The following ITPR1 variants were observed in gnomAD, a reference collection of about 807,000 sequenced individuals.
ITPR1 encodes the protein inositol 1,4,5-trisphosphate-gated calcium channel ITPR1.
In ITPR1, 96 loss-of-function variants were observed where a neutral mutation model predicts 318.4. The ratio of observed to expected loss-of-function variants is 0.30; its 90% CI spans 0.26 to 0.36. The LOEUF is 0.36. ITPR1 is among the 10% of genes least tolerant of loss of function. ITPR1 has a pLI of 1.00. For missense variants in ITPR1, 2,440 were observed against 3,460.2 expected (o/e 0.71, Z 7.40); for synonymous variants, 1,312 against 1,289.9 (o/e 1.02, Z -0.37).
intron 4 of ITPR1, among the ~76,000 whole-genome samples, chr3:4,542,013 T>C (rs2084505724): frequency 6.6e-6 from 1 of 152,206 alleles, no homozygotes; most frequent in Non-Finnish European, 1.5e-5. Flanking sequence ...TTGTTTACTA[T>C]TTCTGTTCTA....
chr3:4,644,516 C>G (rs1042990802), intron 8 of ITPR1, among the ~76,000 whole-genome samples: 3 of 152,268 alleles, frequency 2.0e-5, no homozygotes, highest in Admixed American at 2.0e-4. Flanking sequence ...AGAGATGAAC[C>G]CTTTTACTAA....
chr3:4,520,957 T>C (rs2124927256), intron 3 of ITPR1, 67 bp from the exon 4 acceptor site: 1 of 1,218,010 alleles, frequency 8.2e-7, no homozygotes, highest in East Asian at 2.3e-5. Flanking sequence ...GGATATCTGA[T>C]TTTTGCATAG....
At chr3:4,820,821 C>T (rs2049659512) in intron 60 of ITPR1, among the ~76,000 whole-genome samples, 1 of 152,206 alleles carries the variant, frequency 6.6e-6, no homozygotes, top group South Asian at 2.1e-4. Flanking sequence ...CACATGAATC[C>T]CTGCTGCGGA....
intron 4 of ITPR1, among the ~76,000 whole-genome samples, chr3:4,592,346 G>A (rs1173508084): frequency 1.3e-5 from 2 of 152,168 alleles, no homozygotes; most frequent in Non-Finnish European, 2.9e-5. Flanking sequence ...GGTATTCATT[G>A]TACGTAAACA....
At chr3:4,747,577 A>T (rs1028781550) in intron 44 of ITPR1, among the ~76,000 whole-genome samples, 2 of 152,234 alleles carry the variant, frequency 1.3e-5, no homozygotes, top group Middle Eastern at 3.2e-3. Flanking sequence ...ATCAGAAGGC[A>T]GCTCGAGTGG....
intron 4 of ITPR1, among the ~76,000 whole-genome samples, chr3:4,606,142 A>G (rs2091686891): frequency 6.6e-6 from 1 of 152,180 alleles, no homozygotes. Flanking sequence ...ATTATGTCAT[A>G]CAGGTTCTTA....
chr3:4,715,623 C>T (rs147345447), intron 39 of ITPR1, among the ~76,000 whole-genome samples: 11,434 of 152,186 alleles, frequency 0.075, 548 homozygotes, highest in Middle Eastern at 0.15. Context: ...GAGGCCGAGG[C>T]GGGTGGATCA....
chr3:4,663,036 C>T (rs1575977144), intron 15 of ITPR1, 29 bp from the exon 16 acceptor site: 1 of 1,609,884 alleles, frequency 6.2e-7, no homozygotes, highest in South Asian at 1.1e-5. Context: ...CTGAACACAT[C>T]TGTCTCTAAT....
intron 4 of ITPR1, among the ~76,000 whole-genome samples, chr3:4,593,658 T>C (rs1328986544): frequency 4.6e-5 from 7 of 152,208 alleles, no homozygotes; most frequent in Non-Finnish European, 1.0e-4. Flanking sequence ...TTTGGACATA[T>C]AGAATGCTAT....
At chr3:4,804,111 A>C (rs943026246) in intron 54 of ITPR1, among the ~76,000 whole-genome samples, 5 of 152,216 alleles carry the variant, frequency 3.3e-5, no homozygotes, top group Non-Finnish European at 7.3e-5. Flanking sequence ...AGCTCAGGCA[A>C]TCCACCCGCC....
At chr3:4,524,671 A>G (rs748477636) in intron 4 of ITPR1, among the ~76,000 whole-genome samples, 12 of 152,190 alleles carry the variant, frequency 7.9e-5, no homozygotes, top group Non-Finnish European at 1.2e-4. Context: ...TCTTAAGTAA[A>G]TGGAAATCCA....
chr3:4,501,090 A>C (rs182068103), intron 2 of ITPR1, among the ~76,000 whole-genome samples: 10 of 151,826 alleles, frequency 6.6e-5, no homozygotes, highest in African/African-American at 2.4e-4. Context: ...TTGAACTTCT[A>C]GGCTCAAACG....
At chr3:4,830,626 C>G (rs556790389) in intron 60 of ITPR1, among the ~76,000 whole-genome samples, 1 of 152,206 alleles carries the variant, frequency 6.6e-6, no homozygotes, top group South Asian at 2.1e-4. Flanking sequence ...TACCCCGTAC[C>G]CCCTTCTAGT....
chr3:4,723,827 A>C (rs1217701855), intron 40 of ITPR1, among the ~76,000 whole-genome samples: 1 of 152,060 alleles, frequency 6.6e-6, no homozygotes, highest in Non-Finnish European at 1.5e-5. Flanking sequence ...TTCCCATGCA[A>C]ATAGTAGAAT....
chr3:4,691,526 A>G (rs1383682256), intron 32 of ITPR1, among the ~76,000 whole-genome samples, 182 bp downstream of exon 32: 1 of 152,210 alleles, frequency 6.6e-6, no homozygotes, highest in Non-Finnish European at 1.5e-5. Flanking sequence ...TATAGGCAAG[A>G]ATCTGATCTG....
intron 7 of ITPR1, among the ~76,000 whole-genome samples, chr3:4,642,486 G>A (rs1446063175): frequency 6.6e-6 from 1 of 152,186 alleles, no homozygotes; most frequent in African/African-American, 2.4e-5. Context: ...TGTATGAACA[G>A]CCCATTGCGT....
At chr3:4,622,170 A>G (rs547652147) in intron 4 of ITPR1, among the ~76,000 whole-genome samples, 1 of 138,618 alleles carries the variant, frequency 7.2e-6, no homozygotes, top group East Asian at 2.2e-4. Context: ...GCTGGAGTGC[A>G]GTGGCGTGAT....
chr3:4,571,964 A>C (rs1306201626), intron 4 of ITPR1, among the ~76,000 whole-genome samples: 1 of 152,156 alleles, frequency 6.6e-6, no homozygotes, highest in Non-Finnish European at 1.5e-5. Context: ...CCTACTATGA[A>C]TTTAGGGATA....
At position 4,773,604 on chromosome 3, in the gene ITPR1, G is replaced by A. The variant is rs114499796; in HGVS notation, c.5980-1638G>A. On this transcript the variant is annotated intron_variant, in intron 46 of 61. Transcript: ENST00000649015. ...TTTGACAGACAGATGGGCCAGGAGAGCCTTGCTGTGAATTTCAGCCATGGA... is the reference window on the plus strand; with the variant it reads ...TTTGACAGACAGATGGGCCAGGAGAACCTTGCTGTGAATTTCAGCCATGGA... 3.9e-3 allele frequency among the ~76,000 whole-genome samples: 595 copies of A among 152,262 alleles called. 6 individuals carry two copies. The highest frequency in any genetic ancestry group is 0.014 in the African/African-American group (566 of 41,548).
Sources: gnomAD v4.1 joint callset for allele counts (sites outside exome capture counted in the v4.1 genomes callset) on GRCh38, gnomAD v4.1.1 for gene constraint, MANE v1.5 for transcripts, NCBI Gene and HGNC (gene_info 2026-07-23, HGNC 2026-07-21) for gene names.